Variants in KIAA0825 observed in about 807,000 individuals in gnomAD.
KIAA0825 encodes the protein uncharacterized protein KIAA0825.
Under a neutral mutation model 147.6 loss-of-function variants are expected in KIAA0825, and 119 were observed. That is an observed-to-expected ratio of 0.81 (90% CI 0.69 to 0.94). The LOEUF is 0.94. KIAA0825 is among the 40% of genes least tolerant of loss of function. KIAA0825 has a pLI of 0.00. For missense variants in KIAA0825, 1,381 were observed against 1,472.7 expected, an observed-to-expected ratio of 0.94 and a Z score of 1.02; for synonymous variants, 470 against 518.1, an observed-to-expected ratio of 0.91 and a Z score of 1.26.
At chr5:94,266,559 T>C (rs1003824463) in intron 20 of KIAA0825, among the ~76,000 whole-genome samples, 2 of 152,178 alleles carry the variant, frequency 1.3e-5, no homozygotes, top group African/African-American at 4.8e-5. Flanking sequence ...TTTTATCCAA[T>C]TACATTTCTG....
chr5:94,272,141 A>G (rs1355559908), intron 20 of KIAA0825, among the ~76,000 whole-genome samples: 2 of 144,972 alleles, frequency 1.4e-5, no homozygotes, highest in African/African-American at 2.5e-5. Flanking sequence ...AACTAAGACA[A>G]TTGAACTCAT....
rs749397639 is a variant in KIAA0825 at position 94,520,949 on chromosome 5, A to C, written c.301-32T>G. 3.9e-5 allele frequency: 57 copies of C among 1,452,812 alleles called. No homozygotes were observed. The Middle Eastern group carries it at 5.3e-4, about 13-fold the overall frequency. The allele number at this position is 1,452,812 out of a possible 1,614,324, so 90.0% of individuals were successfully genotyped here. A position where few individuals can be genotyped will look rare whatever the true frequency, so the allele number is the denominator to read the frequency against. Reference sequence around the variant, plus strand: ...AAATTATAACATTAGAAATGTGATTAAGTGCAATAGAAAAAATGATTTCTA... The same window carrying C: ...AAATTATAACATTAGAAATGTGATTCAGTGCAATAGAAAAAATGATTTCTA... On this transcript the variant is annotated intron_variant, in intron 4 of 20. Transcript: ENST00000682413.
At chr5:94,600,266 A>G (rs1397152523) in intron 1 of KIAA0825, among the ~76,000 whole-genome samples, 1 of 152,154 alleles carries the variant, frequency 6.6e-6, no homozygotes, top group Non-Finnish European at 1.5e-5. Flanking sequence ...ACCCTCATAC[A>G]CAGCTGATGA....
intron 20 of KIAA0825, among the ~76,000 whole-genome samples, chr5:94,251,763 GT>G (rs1356580697): frequency 6.6e-6 from 1 of 151,806 alleles, no homozygotes; most frequent in Non-Finnish European, 1.5e-5. Flanking sequence ...TGTATAGGTT[GT>G]TTGCAAAAAA....
intron 20 of KIAA0825, among the ~76,000 whole-genome samples, chr5:94,280,059 G>A (rs896215238): frequency 3.3e-5 from 5 of 152,114 alleles, no homozygotes; most frequent in Admixed American, 2.6e-4. Context: ...GGCCTGGGGA[G>A]TGACAGGATT....
intron 13 of KIAA0825, among the ~76,000 whole-genome samples, chr5:94,443,496 T>C (rs1198025599): frequency 3.9e-5 from 6 of 152,074 alleles, no homozygotes; most frequent in African/African-American, 1.4e-4. Flanking sequence ...GATGAATTGA[T>C]GGCTGGGTTG....
intron 20 of KIAA0825, among the ~76,000 whole-genome samples, chr5:94,207,105 G>C (rs1772269814): frequency 6.6e-6 from 1 of 151,992 alleles, no homozygotes; most frequent in Non-Finnish European, 1.5e-5. Context: ...TCCTAATTAG[G>C]TTTTAGTTAT....
At position 94,537,021 on chromosome 5, in the gene KIAA0825, C is replaced by T; in HGVS notation, c.106G>A (p.Glu36Lys). 3 of 1,605,534 alleles carry T rather than the reference C, an allele frequency of 1.9e-6. No individual in the cohort carries two copies. Among genetic ancestry groups the T allele is most frequent in the Non-Finnish European group, 2.6e-6 (3 of 1,174,440 alleles). Reference sequence around the variant, plus strand: ...CTTGCAGCATTTTGTTCAATCTTTTCATCAATGTCACTGAAGATCTGCTCA... The same window carrying T: ...CTTGCAGCATTTTGTTCAATCTTTTTATCAATGTCACTGAAGATCTGCTCA... ...EFEQIFSDID[E>K]KIEQNAASIK... is the part of the protein sequence containing the mutation. The change falls in exon 3 of 21, where the codon GAA (glutamate) becomes AAA (lysine). Residue 36 changes from glutamate (E) to lysine (K), a missense_variant. By Grantham distance (56) the Glu-to-Lys change is moderately conservative. Coordinates refer to ENST00000682413, the MANE Select transcript of KIAA0825 (RefSeq NM_001145678.3).
intron 5 of KIAA0825, among the ~76,000 whole-genome samples, chr5:94,494,011 C>T (rs1307956128): frequency 6.6e-6 from 1 of 152,084 alleles, no homozygotes; most frequent in Non-Finnish European, 1.5e-5. Flanking sequence ...CCTCTTGTTT[C>T]ACATACCAAG....
rs1778840325 is a variant in KIAA0825 at position 94,307,748 on chromosome 5, C to T, written c.3710+76620G>A. Among the ~76,000 whole-genome samples the T allele has an allele frequency of 2.6e-5, 4 of 151,682 alleles. No homozygotes were observed. In the Admixed American group the frequency reaches 2.6e-4, roughly 10 times the overall value. The stretch of plus-strand genomic sequence containing the variant: ...CACCTCGAAAACAGAGATTGTCTTC[C>T]TCTGGATCCCCACAGAATCCTCTGT... On this transcript the variant is annotated intron_variant, in intron 20 of 20. Transcript: ENST00000682413.
chr5:94,175,383 T>C (rs1768997265), intron 20 of KIAA0825, among the ~76,000 whole-genome samples: 1 of 152,210 alleles, frequency 6.6e-6, no homozygotes, highest in Non-Finnish European at 1.5e-5. Flanking sequence ...TGTTTTATTT[T>C]TGCAGTGAGT....
rs1767543006 is a variant in KIAA0825 at position 94,161,117 on chromosome 5, C to T, written c.3711-6993G>A. 4.6e-5 allele frequency among the ~76,000 whole-genome samples: 7 copies of T among 152,292 alleles called. No individual in the cohort carries two copies. In the South Asian group the frequency reaches 1.5e-3, roughly 32 times the overall value. On this transcript the variant is annotated intron_variant, in intron 20 of 20. Transcript: ENST00000682413. ...TCTCACATTCATGCATACCCCACTG[C>T]CATTAGTCCACAGGTACACATGATT...
intron 20 of KIAA0825, among the ~76,000 whole-genome samples, chr5:94,293,944 T>C (rs1369472264): frequency 1.3e-5 from 2 of 152,160 alleles, no homozygotes; most frequent in Non-Finnish European, 2.9e-5. Context: ...CCCCTGTTTT[T>C]TGTTTGTTTT....
At chr5:94,167,464 A>T (rs770199921) in intron 20 of KIAA0825, among the ~76,000 whole-genome samples, 5 of 152,194 alleles carry the variant, frequency 3.3e-5, no homozygotes, top group Non-Finnish European at 7.4e-5. Flanking sequence ...ACAAGGCCTT[A>T]CATGTTTTCA....
intron 2 of KIAA0825, among the ~76,000 whole-genome samples, chr5:94,554,530 T>C (rs1776158152): frequency 6.6e-6 from 1 of 151,674 alleles, no homozygotes; most frequent in Non-Finnish European, 1.5e-5. Context: ...TCCTATATCA[T>C]TTACAAAGTC....
intron 20 of KIAA0825, among the ~76,000 whole-genome samples, chr5:94,259,228 G>T (rs1030900994): frequency 6.6e-6 from 1 of 152,004 alleles, no homozygotes; most frequent in Non-Finnish European, 1.5e-5. Flanking sequence ...GACTGAAATA[G>T]CTTTGATCTC....
At position 94,403,565 on chromosome 5, in the gene KIAA0825, T is replaced by G. The variant is rs1435586026; in HGVS notation, c.2887+4A>C. 2 of 1,549,840 alleles carry G rather than the reference T, an allele frequency of 1.3e-6. No homozygotes were observed. Among genetic ancestry groups the G allele is most frequent in the Non-Finnish European group, 8.7e-7 (1 of 1,145,626 alleles). ...TTTTCTTAAAGAGAAACAAGTGTAC[T>G]TACTTTTGCATGATTCTTTCCTGTT... On this transcript the variant is annotated splice_donor_region_variant and intron_variant, in intron 16 of 20. Coordinates refer to ENST00000682413, the MANE Select transcript of KIAA0825 (RefSeq NM_001145678.3).
At chr5:94,361,941 G>T (rs1453505457) in intron 20 of KIAA0825, among the ~76,000 whole-genome samples, 1 of 152,164 alleles carries the variant, frequency 6.6e-6, no homozygotes, top group Non-Finnish European at 1.5e-5. Flanking sequence ...GAAGAACAGT[G>T]TGTGCAGAAC....
At chr5:94,531,922 T>G (rs1245218089) in intron 3 of KIAA0825, among the ~76,000 whole-genome samples, 3 of 152,152 alleles carry the variant, frequency 2.0e-5, no homozygotes, top group Non-Finnish European at 4.4e-5. Flanking sequence ...ATAAAATATA[T>G]TAATATTTGT....
Sources: allele counts gnomAD v4.1 joint callset (sites outside exome capture counted in the v4.1 genomes callset), GRCh38; gene constraint gnomAD v4.1.1; transcripts MANE v1.5; gene names NCBI Gene and HGNC (gene_info 2026-07-23, HGNC 2026-07-21).